The following SORCS1 variants were observed in gnomAD, a reference collection of about 807,000 sequenced individuals.
The protein encoded by SORCS1 is sortilin related VPS10 domain containing receptor 1, also known as VPS10 domain-containing receptor SorCS1.
SORCS1 carries 60 observed loss-of-function variants against 146.1 expected under a neutral mutation model. That is an observed-to-expected ratio of 0.41 (90% CI 0.33 to 0.51). The LOEUF is 0.51. Ranked by LOEUF, SORCS1 falls within the 20% of genes least tolerant of loss-of-function variation. The pLI is 0.21. For synonymous variants in SORCS1, 637 were observed against 584.0 expected, an observed-to-expected ratio of 1.09 and a Z score of -1.31; for missense variants, 1,352 against 1,487.6, an observed-to-expected ratio of 0.91 and a Z score of 1.50.
At chr10:106,708,270 A>G (rs1052646050) in intron 7 of SORCS1, among the ~76,000 whole-genome samples, 1 of 149,104 alleles carries the variant, frequency 6.7e-6, no homozygotes, top group East Asian at 2.0e-4. Context: ...GTGTGTGTGT[A>G]TGTGTGTGAT....
At chr10:106,836,458 G>A (rs1389590460) in intron 2 of SORCS1, among the ~76,000 whole-genome samples, 1 of 138,112 alleles carries the variant, frequency 7.2e-6, no homozygotes, top group Non-Finnish European at 1.5e-5. Flanking sequence ...CTGGGCGATA[G>A]AGCGAGACTC....
At chr10:106,976,333 G>GTTT (rs1554901318) in intron 1 of SORCS1, among the ~76,000 whole-genome samples, 2 of 113,814 alleles carry the variant, frequency 1.8e-5, no homozygotes, top group Non-Finnish European at 3.4e-5. Flanking sequence ...AGGTTTTTTT[G>GTTT]TTTTTTTTTT....
chr10:106,595,102 C>T (rs1049153439), intron 24 of SORCS1, among the ~76,000 whole-genome samples: 2 of 152,136 alleles, frequency 1.3e-5, no homozygotes, highest in African/African-American at 4.8e-5. Flanking sequence ...CAAAGCTCAA[C>T]ATTTTGGGTA....
intron 6 of SORCS1, among the ~76,000 whole-genome samples, chr10:106,710,963 T>G (rs1015618974): frequency 2.0e-5 from 3 of 152,234 alleles, no homozygotes; most frequent in Admixed American, 2.0e-4. Context: ...GGATCTTCCA[T>G]AGTTATTCTT....
intron 1 of SORCS1, among the ~76,000 whole-genome samples, chr10:107,067,994 C>T (rs189857097): frequency 6.6e-6 from 1 of 152,250 alleles, no homozygotes; most frequent in East Asian, 1.9e-4. Flanking sequence ...TAAACAGAAA[C>T]GCTGCTTCCA....
At chr10:107,160,956 G>A (rs1456851205) in intron 1 of SORCS1, among the ~76,000 whole-genome samples, 27 of 152,202 alleles carry the variant, frequency 1.8e-4, no homozygotes, top group Admixed American at 1.6e-3. Flanking sequence ...TCTTGCTTAC[G>A]ACACCAAGCT....
intron 2 of SORCS1, among the ~76,000 whole-genome samples, chr10:106,840,354 G>A (rs1376447636): frequency 6.6e-6 from 1 of 152,202 alleles, no homozygotes; most frequent in Admixed American, 6.5e-5. Flanking sequence ...GAAAGTAACT[G>A]TACATGTGGT....
intron 2 of SORCS1, among the ~76,000 whole-genome samples, chr10:106,900,334 T>C (rs543784423): frequency 6.6e-6 from 1 of 152,258 alleles, no homozygotes; most frequent in African/African-American, 2.4e-5. Context: ...AATCAAAAGC[T>C]ATATTGCTTT....
chr10:106,792,875 A>G (rs1056588283), intron 3 of SORCS1, among the ~76,000 whole-genome samples: 6 of 152,312 alleles, frequency 3.9e-5, no homozygotes, highest in African/African-American at 1.2e-4. Flanking sequence ...TAGGCCTTTC[A>G]AGAACAAATA....
intron 4 of SORCS1, among the ~76,000 whole-genome samples, chr10:106,769,952 G>T (rs909048200): frequency 1.3e-5 from 2 of 152,142 alleles, no homozygotes; most frequent in African/African-American, 2.4e-5. Context: ...AATTAGACAG[G>T]CATGGTGGCA....
At chr10:106,883,683 G>T (rs536037072) in intron 2 of SORCS1, among the ~76,000 whole-genome samples, 1 of 152,180 alleles carries the variant, frequency 6.6e-6, no homozygotes, top group African/African-American at 2.4e-5. Context: ...AGAGTGGTAG[G>T]ATTACAGGCG....
intron 18 of SORCS1, among the ~76,000 whole-genome samples, chr10:106,646,567 G>A (rs546219210): frequency 6.6e-6 from 1 of 152,096 alleles, no homozygotes; most frequent in Non-Finnish European, 1.5e-5. Context: ...GTGGTGGCAT[G>A]CCCCTGTAGT....
intron 17 of SORCS1, chr10:106,667,120 T>C (rs1246327859): frequency 6.6e-6 from 1 of 152,300 alleles, no homozygotes; most frequent in African/African-American, 2.4e-5. Flanking sequence ...TTAAATAATA[T>C]TGCATAAGCC....
chr10:106,618,091 C>T, intron 21 of SORCS1, 58 bp downstream of exon 21: 1 of 1,604,952 alleles, frequency 6.2e-7, no homozygotes, highest in Non-Finnish European at 8.5e-7. Flanking sequence ...CATCATGGCA[C>T]AAGAGAACCT....
At chr10:106,857,514 G>A (rs559723549) in intron 2 of SORCS1, among the ~76,000 whole-genome samples, 1 of 152,296 alleles carries the variant, frequency 6.6e-6, no homozygotes, top group African/African-American at 2.4e-5. Context: ...AAATCATTAA[G>A]AGCAGCCACT....
intron 11 of SORCS1, 141 bp from the exon 12 acceptor site, chr10:106,679,473 G>A (rs950742615): frequency 4.3e-6 from 4 of 938,362 alleles, no homozygotes; most frequent in Non-Finnish European, 3.2e-6. Flanking sequence ...CTTGCTTCAG[G>A]TCCAATGGTT....
At chr10:106,622,289 G>GAAAAA (rs554464573) in intron 19 of SORCS1, among the ~76,000 whole-genome samples, 5 of 39,048 alleles carry the variant, frequency 1.3e-4, no homozygotes, top group Non-Finnish European at 2.1e-4. Flanking sequence ...ATTCCATCTC[G>GAAAAA]AAAAAAAAAA....
chr10:106,607,068 T>A, intron 23 of SORCS1, 98 bp downstream of exon 23: 2 of 1,494,946 alleles, frequency 1.3e-6, no homozygotes, highest in Non-Finnish European at 1.8e-6. Context: ...AAGCTGTAGT[T>A]AGGATCACCA....
intron 6 of SORCS1, among the ~76,000 whole-genome samples, chr10:106,715,112 A>G (rs1231846366): frequency 1.3e-5 from 2 of 152,192 alleles, no homozygotes; most frequent in African/African-American, 4.8e-5. Context: ...ATAATAAGGG[A>G]CCAAGCACTC....
Sources: allele counts gnomAD v4.1 joint callset (sites outside exome capture counted in the v4.1 genomes callset), GRCh38; gene constraint gnomAD v4.1.1; transcripts MANE v1.5; gene names NCBI Gene and HGNC (gene_info 2026-07-23, HGNC 2026-07-21).